Variants in MTFR2 observed in about 807,000 individuals in gnomAD.
The protein encoded by MTFR2 is mitochondrial fission regulator 2.
Under a neutral mutation model 41.2 loss-of-function variants are expected in MTFR2, and 44 were observed. The ratio of observed to expected loss-of-function variants is 1.07; its 90% confidence interval spans 0.84 to 1.37. The LOEUF (loss-of-function observed/expected upper bound fraction) is 1.37, where lower values mean the gene tolerates loss of function less well. Ranked by LOEUF, MTFR2 falls within the 40% of genes most tolerant of loss-of-function variation. The pLI, the probability that MTFR2 is intolerant of heterozygous loss-of-function variation, is 0.00. For missense variants in MTFR2, 452 were observed against 459.5 expected (o/e 0.98, Z 0.15); for synonymous variants, 141 against 154.6 (o/e 0.91, Z 0.65).
In MTFR2 at chr6:136,244,760, C is replaced by T; in HGVS notation, c.168+5G>A. 1 of 1,596,368 alleles carries T rather than the reference C, an allele frequency of 6.3e-7. No homozygotes were observed. The highest frequency in any genetic ancestry group is 8.6e-7 in the Non-Finnish European group (1 of 1,164,824). On this transcript the variant is annotated splice_donor_5th_base_variant and intron_variant, in intron 3 of 7. Coordinates refer to ENST00000420702, the MANE Select transcript of MTFR2 (RefSeq NM_001099286.3). ...TACTTAAACAATTTATGTTGACTGA[C>T]TTACCTCAAAATTAGGTCTTCGACA...
At chr6:136,241,932 T>C (rs977646502) in intron 4 of MTFR2, among the ~76,000 whole-genome samples, 1 of 151,652 alleles carries the variant, frequency 6.6e-6, no homozygotes, top group Non-Finnish European at 1.5e-5. Flanking sequence ...TTTTTAAAAA[T>C]TCGCCGGTGT....
chr6:136,245,419 A>G lies in MTFR2; in HGVS notation c.64-550T>C, dbSNP rs535579375. ...AGTCAGCTCTTGAAAAGGCATTAGA[A>G]GTAATAATGTGCTACTATAGCTCAA... is the stretch of plus-strand genomic sequence containing the variant. On this transcript the variant is annotated intron_variant, in intron 2 of 7. Transcript: ENST00000420702. 5.3e-5 allele frequency among the ~76,000 whole-genome samples: 8 copies of G among 152,336 alleles called. No homozygotes were observed. In the East Asian group the frequency reaches 1.5e-3, roughly 29 times the overall value.
At chr6:136,238,154 C>T (rs1779955762) in intron 6 of MTFR2, among the ~76,000 whole-genome samples, 1 of 152,172 alleles carries the variant, frequency 6.6e-6, no homozygotes, top group African/African-American at 2.4e-5. Context: ...CATTGCAGTG[C>T]TATTTACAAT....
At chr6:136,248,998 A>G in intron 2 of MTFR2, 39 bp downstream of exon 2, 3 of 1,549,802 alleles carry the variant, frequency 1.9e-6, no homozygotes, top group Non-Finnish European at 2.6e-6. Context: ...ACCCAAGAAC[A>G]AATACAACAG....
At chr6:136,231,533 G>T in intron 7 of MTFR2, 145 bp from the exon 8 acceptor site, 1 of 601,412 alleles carries the variant, frequency 1.7e-6, no homozygotes, top group Non-Finnish European at 2.9e-6. Flanking sequence ...TAGTTATTTG[G>T]CTATGTATCA....
chr6:136,232,253 T>C (rs1779780985), intron 7 of MTFR2, among the ~76,000 whole-genome samples: 2 of 151,910 alleles, frequency 1.3e-5, no homozygotes, highest in African/African-American at 4.8e-5. Flanking sequence ...GTTACACTCT[T>C]TTTCTTTTTT....
chr6:136,248,916 T>C, intron 2 of MTFR2, 121 bp downstream of exon 2: 1 of 784,570 alleles, frequency 1.3e-6, no homozygotes. Context: ...AACTCACCTT[T>C]GTTCCAACTA....
At position 136,239,569 on chromosome 6, in the gene MTFR2, T is replaced by G; in HGVS notation, c.766A>C (p.Thr256Pro). Residue 256 changes from threonine (T) to proline (P), a missense_variant, in exon 6 of 8, where the codon ACC becomes CCC. By Grantham distance (38) the Thr-to-Pro change is conservative. Transcript: ENST00000420702. The part of the protein sequence containing the change: ...MSKQNPAANK[T>P]NYSHHSKSQR... ...CTTTTTGAATGATGACTATAATTGG[T>G]CTTATTAGCAGCCGGGTTCTGTTTG... is the stretch of plus-strand genomic sequence containing the variant. 6.2e-7 allele frequency: 1 copy of G among 1,614,138 alleles called. No homozygotes were observed. The highest frequency in any genetic ancestry group is 8.5e-7 in the Non-Finnish European group (1 of 1,180,030).
intron 5 of MTFR2, among the ~76,000 whole-genome samples, chr6:136,240,887 C>A (rs56236905): frequency 5.9e-5 from 9 of 152,090 alleles, no homozygotes; most frequent in Admixed American, 1.3e-4. Context: ...GTCAGGAGAT[C>A]GAGACCATCC....
intron 5 of MTFR2, 97 bp from the exon 6 acceptor site, chr6:136,239,917 T>G: frequency 1.0e-6 from 1 of 957,562 alleles, no homozygotes; most frequent in South Asian, 1.8e-5. Flanking sequence ...GAGCAATTTC[T>G]GTAATGCTAG....
intron 3 of MTFR2, among the ~76,000 whole-genome samples, chr6:136,244,539 C>T (rs1019175707): frequency 6.6e-6 from 1 of 152,172 alleles, no homozygotes; most frequent in African/African-American, 2.4e-5. Context: ...AATCACCAAA[C>T]AACGCTTTTC....
intron 2 of MTFR2, chr6:136,247,610 G>A (rs1257755543): frequency 2.3e-6 from 1 of 442,146 alleles, no homozygotes; most frequent in Non-Finnish European, 4.5e-6. Flanking sequence ...CAGGCTGATG[G>A]CCTCTCTCAA....
Position 136,233,472 on chromosome 6 carries a change from C to T in MTFR2, c.897G>A (p.Lys299=), listed in dbSNP as rs372431233. The change falls in exon 7 of 8, where the codon AAG becomes AAA. Residue 299 remains lysine, a synonymous_variant. Transcript: ENST00000420702. ...CCCAATGTGAATTCTGTCTTTTCCT[C>T]TTATGAATGGGTCTACCGCCAGGTG... ...ERSPGGRPIH[K]RKRQNSHWDP... The T allele has an allele frequency of 1.9e-6, 3 of 1,568,054 alleles. No individual in the cohort carries two copies. The highest frequency in any genetic ancestry group is 2.7e-5 in the African/African-American group (2 of 73,952).
Position 136,244,589 on chromosome 6 carries a change from T to A in MTFR2, c.168+176A>T, listed in dbSNP as rs73779618. On this transcript the variant is annotated intron_variant, in intron 3 of 7. Coordinates refer to ENST00000420702, the MANE Select transcript of MTFR2 (RefSeq NM_001099286.3). ...CCCATCATTAAACGATGCATGATTG[T>A]ATTTAAATAAACAAAAACACAAAAA... 8.4e-3 allele frequency among the ~76,000 whole-genome samples: 1,287 copies of A among 152,316 alleles called. 12 individuals carry two copies. The highest frequency in any genetic ancestry group is 0.028 in the African/African-American group (1,176 of 41,578).
intron 1 of MTFR2, among the ~76,000 whole-genome samples, chr6:136,249,403 A>G (rs576345782): frequency 6.6e-5 from 10 of 152,308 alleles, no homozygotes; most frequent in African/African-American, 2.2e-4. Context: ...ATAGAGACCA[A>G]TCAACAAACT....
intron 6 of MTFR2, among the ~76,000 whole-genome samples, chr6:136,238,806 C>T (rs1779972215): frequency 6.6e-6 from 1 of 152,066 alleles, no homozygotes; most frequent in Non-Finnish European, 1.5e-5. Context: ...GTGGCTCACA[C>T]CTGTAATCCC....
intron 7 of MTFR2, among the ~76,000 whole-genome samples, chr6:136,232,069 A>C (rs1779773038): frequency 6.6e-6 from 1 of 152,192 alleles, no homozygotes; most frequent in South Asian, 2.1e-4. Flanking sequence ...TTTTAGACAC[A>C]CTTGCATTTT....
chr6:136,245,320 T>TA (rs1437897629), intron 2 of MTFR2, among the ~76,000 whole-genome samples: 1 of 151,848 alleles, frequency 6.6e-6, no homozygotes, highest in Non-Finnish European at 1.5e-5. Context: ...AAAGGAGAAA[T>TA]AAAAAAGGGA....
At chr6:136,234,295 A>G (rs1043843731) in intron 6 of MTFR2, among the ~76,000 whole-genome samples, 1 of 137,824 alleles carries the variant, frequency 7.3e-6, no homozygotes, top group East Asian at 2.1e-4. Context: ...ACAGAGCAAC[A>G]CCCTGTCTCA....
Sources: gnomAD v4.1 joint callset for allele counts (sites outside exome capture counted in the v4.1 genomes callset) on GRCh38, gnomAD v4.1.1 for gene constraint, MANE v1.5 for transcripts, NCBI Gene and HGNC (gene_info 2026-07-23, HGNC 2026-07-21) for gene names.